Variants in RBPMS observed in about 807,000 individuals in gnomAD.
The protein encoded by RBPMS is RNA binding protein, mRNA processing factor, also known as RNA-binding protein with multiple splicing.
RBPMS carries 7 observed loss-of-function variants against 26.8 expected under a neutral mutation model. The ratio of observed to expected loss-of-function variants is 0.26; its 90% CI spans 0.15 to 0.49. RBPMS has a LOEUF of 0.49. Ranked by LOEUF, RBPMS falls within the 20% of genes least tolerant of loss-of-function variation. The pLI, the probability that RBPMS is intolerant of heterozygous loss-of-function variation, is 0.98. For missense variants in RBPMS, 186 were observed against 250.0 expected (o/e 0.74, Z 1.73); for synonymous variants, 96 against 93.3 (o/e 1.03, Z -0.17).
intron 1 of RBPMS, among the ~76,000 whole-genome samples, chr8:30,447,643 A>G (rs1427483009): frequency 1.3e-5 from 2 of 152,194 alleles, no homozygotes; most frequent in African/African-American, 2.4e-5. Flanking sequence ...AAGAAGTGAA[A>G]CATACGATAA....
At chr8:30,425,053 T>G (rs1274206213) in intron 1 of RBPMS, among the ~76,000 whole-genome samples, 1 of 151,992 alleles carries the variant, frequency 6.6e-6, no homozygotes, top group Non-Finnish European at 1.5e-5. Flanking sequence ...CCTCCCAGAC[T>G]CAAGCAGTCC....
In RBPMS at chr8:30,571,779, A is replaced by G. The variant is rs1042151757; in HGVS notation, c.*1254A>G. 13 of 152,286 alleles carry G rather than the reference A, an allele frequency of 8.5e-5. No homozygotes were observed. The highest frequency in any genetic ancestry group is 5.9e-4 in the Admixed American group (9 of 15,280). 9.4% of individuals were successfully genotyped at this position (152,286 alleles called of 1,614,324 possible). On this transcript the variant is annotated 3_prime_UTR_variant, in exon 9 of 9. Transcript: ENST00000397323. The stretch of plus-strand genomic sequence containing the variant: ...TCAGTCTGGTGTTGTCAGTTGACAC[A>G]TCTCCAGAGTTCATGACAGCTCAAC...
At chr8:30,451,130 CT>C (rs1280891966) in intron 1 of RBPMS, among the ~76,000 whole-genome samples, 1 of 152,084 alleles carries the variant, frequency 6.6e-6, no homozygotes. Context: ...CAAGTGTGTC[CT>C]TTTTTGTAAC....
At chr8:30,425,247 T>C (rs760154985) in intron 1 of RBPMS, among the ~76,000 whole-genome samples, 1 of 152,138 alleles carries the variant, frequency 6.6e-6, no homozygotes, top group Non-Finnish European at 1.5e-5. Flanking sequence ...AGGCATTTAT[T>C]CCATTATTAC....
chr8:30,391,653 C>A (rs1353831591), intron 1 of RBPMS, among the ~76,000 whole-genome samples: 2 of 152,194 alleles, frequency 1.3e-5, no homozygotes, highest in African/African-American at 4.8e-5. Context: ...TAACTCCTCA[C>A]ACTCACATCC....
chr8:30,393,676 C>G (rs1033672677), intron 1 of RBPMS, among the ~76,000 whole-genome samples: 2 of 152,066 alleles, frequency 1.3e-5, no homozygotes, highest in East Asian at 3.9e-4. Context: ...CGCCACCACA[C>G]CTGGCTAATT....
intron 5 of RBPMS, chr8:30,537,530 A>G (rs1468856607): frequency 4.4e-6 from 2 of 456,072 alleles, no homozygotes; most frequent in Admixed American, 2.3e-5. Context: ...GGAATGAGAA[A>G]GACATAGAGA....
intron 1 of RBPMS, chr8:30,444,914 T>C (rs1175971125): frequency 6.6e-6 from 1 of 152,270 alleles, no homozygotes; most frequent in African/African-American, 2.4e-5. Context: ...GCATCTTAAA[T>C]CTTTTAATCT....
At position 30,544,490 on chromosome 8, in the gene RBPMS, G is replaced by C. The variant is rs1275825606; in HGVS notation, c.398-4G>C. 1 of 1,613,062 alleles carries C rather than the reference G, an allele frequency of 6.2e-7. No homozygotes were observed. Among genetic ancestry groups the C allele is most frequent in the Non-Finnish European group, 8.5e-7 (1 of 1,179,134 alleles). ...CTAACTCTCGCCTTATTCTTTTCTT[G>C]CAGATGAGCTCACAGTGCCTGCACT... On this transcript the variant is annotated splice_region_variant and splice_polypyrimidine_tract_variant and intron_variant, in intron 5 of 8. Transcript: ENST00000397323.
intron 1 of RBPMS, among the ~76,000 whole-genome samples, chr8:30,456,473 T>C (rs906282054): frequency 6.9e-6 from 1 of 145,496 alleles, no homozygotes; most frequent in African/African-American, 2.5e-5. Flanking sequence ...GCATGTGGTG[T>C]GTGACATTAA....
At chr8:30,468,312 T>C (rs1303354449) in intron 1 of RBPMS, among the ~76,000 whole-genome samples, 1 of 152,152 alleles carries the variant, frequency 6.6e-6, no homozygotes, top group Non-Finnish European at 1.5e-5. Flanking sequence ...GTCTATATGG[T>C]CCTGAATTTT....
At chr8:30,534,128 CAA>C (rs71937602) in intron 5 of RBPMS, among the ~76,000 whole-genome samples, 1,895 of 144,768 alleles carry the variant, frequency 0.013, 41 homozygotes, top group African/African-American at 0.045. Flanking sequence ...ACGAGACTCT[CAA>C]AAAAAAAAAA....
intron 1 of RBPMS, among the ~76,000 whole-genome samples, chr8:30,433,976 T>C (rs1451830719): frequency 1.3e-5 from 2 of 152,162 alleles, no homozygotes; most frequent in Non-Finnish European, 2.9e-5. Flanking sequence ...TTGAGGTGGA[T>C]AAACCTACAT....
At chr8:30,445,142 A>G (rs1452062829) in intron 1 of RBPMS, 1 of 152,192 alleles carries the variant, frequency 6.6e-6, no homozygotes, top group African/African-American at 2.4e-5. Flanking sequence ...TGATCCATTA[A>G]TATCTATTGA....
At chr8:30,498,969 A>G (rs1820271499) in intron 4 of RBPMS, among the ~76,000 whole-genome samples, 1 of 152,224 alleles carries the variant, frequency 6.6e-6, no homozygotes, top group Admixed American at 6.5e-5. Flanking sequence ...ATGTATGTGT[A>G]CACAACTGGG....
At chr8:30,478,192 C>T (rs1372985600) in intron 3 of RBPMS, among the ~76,000 whole-genome samples, 1 of 152,118 alleles carries the variant, frequency 6.6e-6, no homozygotes, top group Non-Finnish European at 1.5e-5. Context: ...AATATCAGAT[C>T]GTGAAGGATC....
At position 30,568,224 on chromosome 8, in the gene RBPMS, T is replaced by A. The variant is rs537911637; in HGVS notation, c.*111+1864T>A. Among the ~76,000 whole-genome samples the A allele has an allele frequency of 3.9e-5, 6 of 151,938 alleles. No individual in the cohort carries two copies. In the South Asian group the frequency reaches 1.0e-3, roughly 26 times the overall value. On this transcript the variant is annotated intron_variant, in intron 8 of 8. Transcript: ENST00000397323. ...CATGATGGCCCATGTTTATTTGGAGTTGGGGGGAGAACATTCCTTATCTGA... is the reference window on the plus strand; with the variant it reads ...CATGATGGCCCATGTTTATTTGGAGATGGGGGGAGAACATTCCTTATCTGA...
Position 30,548,074 on chromosome 8 carries a change from C to T in RBPMS, c.528+3450C>T, listed in dbSNP as rs565874491. On this transcript the variant is annotated intron_variant, in intron 6 of 8. Coordinates refer to ENST00000397323, the MANE Select transcript of RBPMS (RefSeq NM_001008710.3). ...GACTTAATGTTTAGAGATCAAAGAGCGACCCTGTGCAGCAGACATCGGATT... is the reference window on the plus strand; with the variant it reads ...GACTTAATGTTTAGAGATCAAAGAGTGACCCTGTGCAGCAGACATCGGATT... 7.2e-5 allele frequency among the ~76,000 whole-genome samples: 11 copies of T among 152,272 alleles called. No homozygotes were observed. In the South Asian group the frequency reaches 8.3e-4, roughly 11 times the overall value.
At chr8:30,549,254 T>G (rs1826098468) in intron 6 of RBPMS, among the ~76,000 whole-genome samples, 1 of 152,158 alleles carries the variant, frequency 6.6e-6, no homozygotes, top group Admixed American at 6.5e-5. Flanking sequence ...ATTGCTTGCT[T>G]CTGTGAATCT....
Sources: gnomAD v4.1 joint callset for allele counts (sites outside exome capture counted in the v4.1 genomes callset) on GRCh38, gnomAD v4.1.1 for gene constraint, MANE v1.5 for transcripts, NCBI Gene and HGNC (gene_info 2026-07-23, HGNC 2026-07-21) for gene names.